UBOX5: variants seen among roughly 807,000 people sequenced by gnomAD.
UBOX5 encodes RING finger protein 37.
In UBOX5, 28 loss-of-function variants were observed where a neutral mutation model predicts 39.0. The observed-to-expected ratio is 0.72, with a 90% confidence interval of 0.53 to 0.98. The LOEUF is 0.98. Ranked by LOEUF, UBOX5 falls within the 50% of genes least tolerant of loss-of-function variation. UBOX5 has a pLI of 0.00. For missense variants in UBOX5, 585 were observed against 674.4 expected, an observed-to-expected ratio of 0.87 and a Z score of 1.47; for synonymous variants, 283 against 275.5, an observed-to-expected ratio of 1.03 and a Z score of -0.27.
At chr20:3,123,490 C>CA in intron 1 of UBOX5, 84 bp from the exon 2 acceptor site, 1 of 982,280 alleles carries the variant, frequency 1.0e-6, no homozygotes, top group Non-Finnish European at 1.5e-6. Context: ...GAGAATCAAA[C>CA]AGGATGGCAA....
At chr20:3,146,168 C>A (rs2066560160) in intron 1 of UBOX5, among the ~76,000 whole-genome samples, 1 of 151,924 alleles carries the variant, frequency 6.6e-6, no homozygotes, top group South Asian at 2.1e-4. Flanking sequence ...TGGAGAAACC[C>A]CGTTTCTGCT....
chr20:3,147,812 G>C lies in UBOX5; in HGVS notation c.-42+11954C>G. The C allele has an allele frequency of 6.2e-7, 1 of 1,614,156 alleles. No homozygotes were observed. The highest frequency in any genetic ancestry group is 8.5e-7 in the Non-Finnish European group (1 of 1,180,024). On this transcript the variant is annotated intron_variant, in intron 1 of 4. Transcript: ENST00000217173. ...TTTACTTCGACAGTGTGCCACTCTA[G>C]GAGGCAAAGACGCAGCCACTGCATT...
At chr20:3,143,140 C>T (rs2148614982) in intron 1 of UBOX5, among the ~76,000 whole-genome samples, 1 of 124,540 alleles carries the variant, frequency 8.0e-6, no homozygotes, top group African/African-American at 3.1e-5. Flanking sequence ...GAGTCTCTGG[C>T]TCTGTTACCC....
intron 1 of UBOX5, among the ~76,000 whole-genome samples, chr20:3,124,324 G>C (rs923126286): frequency 3.9e-5 from 6 of 152,210 alleles, no homozygotes; most frequent in Non-Finnish European, 8.8e-5. Flanking sequence ...GGGCTCCCGT[G>C]ATTCTCCTGC....
At chr20:3,148,240 G>A (rs114609143) in intron 1 of UBOX5, 1 of 1,613,856 alleles carries the variant, frequency 6.2e-7, no homozygotes, top group African/African-American at 1.3e-5. Context: ...GCTGAGACAA[G>A]GATAGATCCT....
intron 1 of UBOX5, among the ~76,000 whole-genome samples, chr20:3,126,412 T>C (rs1338250213): frequency 2.0e-5 from 3 of 150,718 alleles, no homozygotes; most frequent in Non-Finnish European, 4.4e-5. Context: ...CCAAAGACCT[T>C]TGTTCACGTG....
At chr20:3,123,535 A>G in intron 1 of UBOX5, 129 bp from the exon 2 acceptor site, 4 of 633,638 alleles carry the variant, frequency 6.3e-6, no homozygotes, top group Non-Finnish European at 1.1e-5. Context: ...CACGGTCCAC[A>G]CTGACTTTCC....
At chr20:3,145,105 C>T (rs1232359369) in intron 1 of UBOX5, among the ~76,000 whole-genome samples, 3 of 151,378 alleles carry the variant, frequency 2.0e-5, no homozygotes, top group Non-Finnish European at 2.9e-5. Flanking sequence ...TTTTAGAGCA[C>T]GTGAAAAGAT....
intron 2 of UBOX5, among the ~76,000 whole-genome samples, chr20:3,122,889 C>T (rs1262380410): frequency 2.0e-5 from 3 of 151,942 alleles, no homozygotes; most frequent in Non-Finnish European, 4.4e-5. Context: ...TTAGATAGGC[C>T]TGGGCAACAT....
At chr20:3,129,675 G>T (rs1376343030) in intron 1 of UBOX5, among the ~76,000 whole-genome samples, 1 of 152,170 alleles carries the variant, frequency 6.6e-6, no homozygotes, top group Non-Finnish European at 1.5e-5. Context: ...AATGATCATT[G>T]TCTGTTCTAT....
At chr20:3,144,159 TC>T (rs1396834420) in intron 1 of UBOX5, among the ~76,000 whole-genome samples, 1 of 152,200 alleles carries the variant, frequency 6.6e-6, no homozygotes, top group African/African-American at 2.4e-5. Context: ...CAAAGGCTTT[TC>T]TTGCAGAAAT....
At chr20:3,129,185 A>T (rs1232657356) in intron 1 of UBOX5, among the ~76,000 whole-genome samples, 1 of 152,166 alleles carries the variant, frequency 6.6e-6, no homozygotes, top group Non-Finnish European at 1.5e-5. Flanking sequence ...TCATCAAAAT[A>T]TAAGTTGAGG....
chr20:3,117,694 A>T (rs2066303886), intron 3 of UBOX5, among the ~76,000 whole-genome samples: 1 of 151,706 alleles, frequency 6.6e-6, no homozygotes, highest in African/African-American at 2.4e-5. Context: ...TATATAGATA[A>T]ATAAATAAAT....
In UBOX5 at chr20:3,107,881, G is replaced by C. The variant is rs888541881; in HGVS notation, c.*2225C>G. ...CCTCCAACACAGCTGCTTAAGGGGAGGCAGTCCGGCCCTCATCTGGGAGCG... is the reference window on the plus strand; with the variant it reads ...CCTCCAACACAGCTGCTTAAGGGGACGCAGTCCGGCCCTCATCTGGGAGCG... On this transcript the variant is annotated 3_prime_UTR_variant, in exon 5 of 5. Coordinates refer to ENST00000217173, the MANE Select transcript of UBOX5 (RefSeq NM_014948.4). This position sits in a 1 kb window ranked among gnomAD's most constrained non-coding sequence, Gnocchi z 5.0. 1.3e-5 allele frequency: 2 copies of C among 152,218 alleles called. No individual in the cohort carries two copies. The highest frequency in any genetic ancestry group is 6.5e-5 in the Admixed American group (1 of 15,290). The allele number at this position is 152,218 out of a possible 1,614,324, so 9.4% of individuals were successfully genotyped here.
chr20:3,143,797 A>G, intron 1 of UBOX5, among the ~76,000 whole-genome samples: 1 of 151,834 alleles, frequency 6.6e-6, no homozygotes, highest in East Asian at 1.9e-4. Flanking sequence ...GTCTCAAAAA[A>G]ACAAAAAAAA....
Position 3,131,342 on chromosome 20 carries a change from G to A in UBOX5, c.-41-7936C>T, listed in dbSNP as rs942284372. ...TCATATTTTTTGAAGTCAGGAATAT[G>A]CTCTGAATTCTGATTTTTCTCTATA... On this transcript the variant is annotated intron_variant, in intron 1 of 4. Coordinates refer to ENST00000217173, the MANE Select transcript of UBOX5 (RefSeq NM_014948.4). 3.3e-5 allele frequency among the ~76,000 whole-genome samples: 5 copies of A among 151,784 alleles called. No homozygotes were observed. In the East Asian group the frequency reaches 5.8e-4, roughly 18 times the overall value.
intron 3 of UBOX5, among the ~76,000 whole-genome samples, chr20:3,119,490 T>C (rs182575365): frequency 1.3e-5 from 2 of 152,358 alleles, no homozygotes; most frequent in Admixed American, 1.3e-4. Context: ...TTTGTTGCTG[T>C]AAGCCAGTAA....
intron 1 of UBOX5, among the ~76,000 whole-genome samples, chr20:3,130,367 C>A (rs2066420434): frequency 7.3e-6 from 1 of 136,984 alleles, no homozygotes; most frequent in Non-Finnish European, 1.5e-5. Context: ...CAGGGTCTCA[C>A]TATGTTGCCC....
chr20:3,124,388 G>T (rs1265801462), intron 1 of UBOX5, among the ~76,000 whole-genome samples: 1 of 152,174 alleles, frequency 6.6e-6, no homozygotes, highest in East Asian at 1.9e-4. Flanking sequence ...GCCTCCCGAG[G>T]TGCTGGGATT....
Sources: gnomAD v4.1 joint callset for allele counts (sites outside exome capture counted in the v4.1 genomes callset) on GRCh38, gnomAD v4.1.1 for gene constraint, Gnocchi (gnomAD v3.1) non-coding constraint, MANE v1.5 for transcripts, NCBI Gene and HGNC (gene_info 2026-07-23, HGNC 2026-07-21) for gene names.